PHF24: variants seen among roughly 807,000 people sequenced by gnomAD.
PHF24 encodes PHD finger protein 24, also known as Galpha inhibitory interacting protein.
PHF24 carries 25 observed loss-of-function variants against 42.6 expected under a neutral mutation model. That is an observed-to-expected ratio of 0.59 (90% CI 0.43 to 0.82). PHF24 has a LOEUF of 0.82. Ranked by LOEUF, PHF24 falls within the 40% of genes least tolerant of loss-of-function variation. The pLI is 0.00. For missense variants in PHF24, 470 were observed against 538.1 expected (o/e 0.87, Z 1.25); for synonymous variants, 185 against 204.8 (o/e 0.90, Z 0.83).
chr9:34,754,039 AT>A, the PHF24 span, among the ~76,000 whole-genome samples: 1 of 152,132 alleles, frequency 6.6e-6, no homozygotes, highest in Non-Finnish European at 1.5e-5. Context: ...AGACTTAAAT[AT>A]AAGACGTCAA....
At chr9:34,741,756 C>T in the PHF24 span, among the ~76,000 whole-genome samples, 2 of 152,216 alleles carry the variant, frequency 1.3e-5, no homozygotes, top group Admixed American at 6.5e-5. Context: ...ATTTGCTTTT[C>T]ATCCTTTCCT....
At chr9:34,748,470 T>C in the PHF24 span, among the ~76,000 whole-genome samples, 1 of 152,194 alleles carries the variant, frequency 6.6e-6, no homozygotes, top group Non-Finnish European at 1.5e-5. Context: ...ACAGTCCTAG[T>C]TGTGGTGGCC....
At chr9:34,735,799 T>TA in the PHF24 span, among the ~76,000 whole-genome samples, 633 of 137,150 alleles carry the variant, frequency 4.6e-3, 4 homozygotes, top group African/African-American at 0.014. Flanking sequence ...AGACTCCCTC[T>TA]AAAAAAAAAA....
chr9:34,955,613 G>T (rs1430702452), upstream of PHF24, among the ~76,000 whole-genome samples: 1 of 152,162 alleles, frequency 6.6e-6, no homozygotes, highest in African/African-American at 2.4e-5. Flanking sequence ...GGAGGCGGAG[G>T]TTGCAGTGAG....
chr9:34,978,971 C>T (rs1827300706), exon 8 of PHF24: 1 of 152,180 alleles, frequency 6.6e-6, no homozygotes, highest in African/African-American at 2.4e-5. Flanking sequence ...GCCAAGGGGG[C>T]CTGAATGGAG....
chr9:34,691,040 C>T, the PHF24 span: 31 of 1,484,944 alleles, frequency 2.1e-5, no homozygotes, highest in African/African-American at 3.5e-4. Flanking sequence ...TAGACATTAC[C>T]CACTGCCAGC....
the PHF24 span, among the ~76,000 whole-genome samples, chr9:34,703,463 C>T: frequency 1.3e-5 from 2 of 152,104 alleles, no homozygotes; most frequent in Non-Finnish European, 2.9e-5. Flanking sequence ...GCCACTGCCC[C>T]CAGCCCATTA....
chr9:34,929,857 T>G, the PHF24 span, among the ~76,000 whole-genome samples: 1 of 152,214 alleles, frequency 6.6e-6, no homozygotes, highest in Non-Finnish European at 1.5e-5. Context: ...TTTCCCCTAC[T>G]GTTTCTCCCT....
At chr9:34,828,813 TC>T in the PHF24 span, among the ~76,000 whole-genome samples, 1 of 152,232 alleles carries the variant, frequency 6.6e-6, no homozygotes, top group African/African-American at 2.4e-5. Context: ...TACTGGCTCC[TC>T]CTTTTATTCC....
the PHF24 span, among the ~76,000 whole-genome samples, chr9:34,741,505 GGCATGT>G: frequency 1.3e-5 from 2 of 152,038 alleles, no homozygotes; most frequent in African/African-American, 4.8e-5. Context: ...TGGGATTACA[GGCATGT>G]GCCACCACGC....
chr9:34,696,852 T>C, the PHF24 span, among the ~76,000 whole-genome samples: 1 of 152,290 alleles, frequency 6.6e-6, no homozygotes, highest in African/African-American at 2.4e-5. Flanking sequence ...GCAAAAGGCA[T>C]GCCTTTTTCC....
At chr9:34,825,285 G>T in the PHF24 span, among the ~76,000 whole-genome samples, 45 of 145,468 alleles carry the variant, frequency 3.1e-4, no homozygotes, top group South Asian at 2.8e-3. Context: ...TGCTGAAGAG[G>T]ACTCTCTTCC....
the PHF24 span, among the ~76,000 whole-genome samples, chr9:34,716,926 G>A: frequency 3.9e-5 from 6 of 152,128 alleles, no homozygotes; most frequent in African/African-American, 1.4e-4. Flanking sequence ...AAGCTTTCAA[G>A]CTAGTCTGGA....
chr9:34,837,487 T>C, the PHF24 span: 1,236 of 582,562 alleles, frequency 2.1e-3, 26 homozygotes, highest in South Asian at 0.025. Flanking sequence ...TAGAGAATTT[T>C]GGAACGTTTC....
chr9:34,901,080 T>G, the PHF24 span, among the ~76,000 whole-genome samples: 2 of 152,226 alleles, frequency 1.3e-5, no homozygotes, highest in Non-Finnish European at 2.9e-5. Flanking sequence ...CATTTGTAGT[T>G]TAAATCTTGT....
At chr9:34,917,284 G>C in the PHF24 span, 1 of 1,036,326 alleles carries the variant, frequency 9.6e-7, no homozygotes, top group Non-Finnish European at 1.5e-6. Context: ...GATGGTACTG[G>C]AAAAGGACTG....
the PHF24 span, among the ~76,000 whole-genome samples, chr9:34,914,393 T>C: frequency 1.3e-5 from 2 of 152,268 alleles, no homozygotes; most frequent in South Asian, 4.1e-4. Context: ...TTTTATTCTC[T>C]TGTACCTTGC....
chr9:34,799,057 T>C, the PHF24 span, among the ~76,000 whole-genome samples: 2 of 152,192 alleles, frequency 1.3e-5, no homozygotes, highest in Non-Finnish European at 2.9e-5. Flanking sequence ...TTATTTGATT[T>C]TTCTTGTTGA....
At chr9:34,851,853 T>C in the PHF24 span, among the ~76,000 whole-genome samples, 28 of 152,254 alleles carry the variant, frequency 1.8e-4, no homozygotes, top group Non-Finnish European at 4.1e-4. Context: ...ATAATTTACA[T>C]CTTGTCTTTT....
Sources: gnomAD v4.1 joint callset for allele counts (sites outside exome capture counted in the v4.1 genomes callset) on GRCh38, gnomAD v4.1.1 for gene constraint, MANE v1.5 for transcripts, NCBI Gene and HGNC (gene_info 2026-07-23, HGNC 2026-07-21) for gene names.